The following LRMDA variants were observed in gnomAD, a reference collection of about 807,000 sequenced individuals.
The protein encoded by LRMDA is leucine rich melanocyte differentiation associated.
LRMDA carries 18 observed loss-of-function variants against 29.8 expected under a neutral mutation model. That is an observed-to-expected ratio of 0.60 (90% CI 0.42 to 0.90). The LOEUF (loss-of-function observed/expected upper bound fraction) is 0.90, where lower values mean the gene tolerates loss of function less well. Among genes scored for constraint, LRMDA ranks in the 40% least tolerant of loss-of-function variants. The pLI, the probability that LRMDA is intolerant of heterozygous loss-of-function variation, is 0.00. For missense variants in LRMDA, 273 were observed against 273.9 expected, an observed-to-expected ratio of 1.00 and a Z score of 0.02; for synonymous variants, 125 against 109.4, an observed-to-expected ratio of 1.14 and a Z score of -0.89.
At chr10:75,898,380 T>C (rs915590025) in intron 2 of LRMDA, among the ~76,000 whole-genome samples, 4 of 152,180 alleles carry the variant, frequency 2.6e-5, no homozygotes, top group Non-Finnish European at 1.5e-5. Context: ...ACAAGACAGA[T>C]TTCTGGAGGC....
intron 2 of LRMDA, among the ~76,000 whole-genome samples, chr10:75,691,116 ATC>A (rs2132160808): frequency 2.5e-5 from 2 of 81,336 alleles, no homozygotes; most frequent in African/African-American, 8.3e-5. Flanking sequence ...AGATCTATAT[ATC>A]TATATACATA....
intron 5 of LRMDA, among the ~76,000 whole-genome samples, chr10:76,103,444 G>C (rs1296180446): frequency 6.6e-6 from 1 of 152,176 alleles, no homozygotes; most frequent in East Asian, 1.9e-4. Context: ...GGGGGCCTCT[G>C]TTCTCTCACA....
chr10:76,131,004 C>G (rs922253811), intron 5 of LRMDA, among the ~76,000 whole-genome samples: 1 of 152,130 alleles, frequency 6.6e-6, no homozygotes, highest in Non-Finnish European at 1.5e-5. Context: ...AGTAATCTTC[C>G]AAGGGCATGA....
chr10:76,352,500 A>G (rs909506965), intron 6 of LRMDA, among the ~76,000 whole-genome samples: 1 of 152,106 alleles, frequency 6.6e-6, no homozygotes, highest in Non-Finnish European at 1.5e-5. Flanking sequence ...CACACTGGAC[A>G]TAGCGATGAC....
intron 5 of LRMDA, among the ~76,000 whole-genome samples, chr10:76,158,117 A>G (rs916828433): frequency 6.6e-6 from 1 of 152,158 alleles, no homozygotes; most frequent in Non-Finnish European, 1.5e-5. Context: ...TTCCTTTTCT[A>G]TGATGGCCTC....
In LRMDA at chr10:75,558,526, T is replaced by C. The variant is rs182484418; in HGVS notation, c.131+120032T>C. Among the ~76,000 whole-genome samples the C allele has an allele frequency of 2.4e-3, 364 of 152,058 alleles. 5 individuals are homozygous for C. Among genetic ancestry groups the C allele is most frequent in the African/African-American group, 8.7e-3 (360 of 41,370 alleles). On this transcript the variant is annotated intron_variant, in intron 2 of 6. Transcript: ENST00000611255. ...AGTATGACTTTATTTTGTATTTTTA[T>C]TTTTTTGTTTTTTTATTATTATACT...
At chr10:75,979,618 C>T (rs1321914330) in intron 2 of LRMDA, among the ~76,000 whole-genome samples, 1 of 152,174 alleles carries the variant, frequency 6.6e-6, no homozygotes, top group Non-Finnish European at 1.5e-5. Context: ...CTGATAAACG[C>T]ATCTTGTTTA....
At chr10:76,404,897 C>T (rs904208878) in intron 6 of LRMDA, among the ~76,000 whole-genome samples, 2 of 152,048 alleles carry the variant, frequency 1.3e-5, no homozygotes, top group Non-Finnish European at 2.9e-5. Flanking sequence ...GGAGATGTTA[C>T]AACAGAAATA....
At chr10:75,710,103 G>A (rs1345373209) in intron 2 of LRMDA, among the ~76,000 whole-genome samples, 2 of 152,212 alleles carry the variant, frequency 1.3e-5, no homozygotes, top group Non-Finnish European at 2.9e-5. Flanking sequence ...AGTAATCTGT[G>A]AATAACATTA....
intron 6 of LRMDA, among the ~76,000 whole-genome samples, chr10:76,549,095 C>T (rs545318553): frequency 3.9e-5 from 6 of 152,114 alleles, no homozygotes; most frequent in Non-Finnish European, 5.9e-5. Context: ...TCCTCTCTTT[C>T]CTTCCCCACC....
chr10:75,818,720 G>C (rs1844103795), intron 2 of LRMDA, among the ~76,000 whole-genome samples: 1 of 152,180 alleles, frequency 6.6e-6, no homozygotes, highest in South Asian at 2.1e-4. Flanking sequence ...ACCTGTCATG[G>C]GATAGAGGAT....
At chr10:76,007,394 C>G (rs1009588544) in intron 2 of LRMDA, among the ~76,000 whole-genome samples, 1 of 152,130 alleles carries the variant, frequency 6.6e-6, no homozygotes. Flanking sequence ...GCACAATTTG[C>G]TTTGAGATCT....
At chr10:75,573,111 G>T (rs1415099678) in intron 2 of LRMDA, among the ~76,000 whole-genome samples, 1 of 152,172 alleles carries the variant, frequency 6.6e-6, no homozygotes, top group African/African-American at 2.4e-5. Context: ...GACTAATACA[G>T]ATTTTGTTGT....
chr10:75,607,737 C>T (rs1840973282), intron 2 of LRMDA, among the ~76,000 whole-genome samples: 2 of 151,556 alleles, frequency 1.3e-5, no homozygotes, highest in Non-Finnish European at 2.9e-5. Flanking sequence ...TTAGTGATTT[C>T]CAAATGACTG....
At chr10:76,493,925 G>C (rs981897984) in intron 6 of LRMDA, among the ~76,000 whole-genome samples, 3 of 151,870 alleles carry the variant, frequency 2.0e-5, no homozygotes, top group Non-Finnish European at 4.4e-5. Context: ...TTTATAAATT[G>C]ATCCCTTAAT....
chr10:75,819,087 G>A (rs531690783), intron 2 of LRMDA, among the ~76,000 whole-genome samples: 1 of 152,346 alleles, frequency 6.6e-6, no homozygotes, highest in Non-Finnish European at 1.5e-5. Context: ...GTTGAAAACA[G>A]AGGGAAAGAA....
At chr10:76,214,183 G>A (rs961063331) in intron 5 of LRMDA, among the ~76,000 whole-genome samples, 2 of 152,030 alleles carry the variant, frequency 1.3e-5, no homozygotes, top group Non-Finnish European at 2.9e-5. Context: ...TTGGGAAAAC[G>A]GAGTTCCAGT....
chr10:76,364,605 GA>G (rs1841366760), intron 6 of LRMDA, among the ~76,000 whole-genome samples: 1 of 151,994 alleles, frequency 6.6e-6, no homozygotes, highest in African/African-American at 2.4e-5. Context: ...TGGGAAGAGG[GA>G]AAAAGGATAT....
intron 6 of LRMDA, among the ~76,000 whole-genome samples, chr10:76,469,851 C>G (rs1453818673): frequency 6.6e-6 from 1 of 152,088 alleles, no homozygotes; most frequent in Non-Finnish European, 1.5e-5. Flanking sequence ...TCAGTGGCAT[C>G]TATAACATTC....
Sources: allele counts gnomAD v4.1 joint callset (sites outside exome capture counted in the v4.1 genomes callset), GRCh38; gene constraint gnomAD v4.1.1; transcripts MANE v1.5; gene names NCBI Gene and HGNC (gene_info 2026-07-23, HGNC 2026-07-21).